The following MAP3K20 variants were observed in gnomAD, a reference collection of about 807,000 sequenced individuals.
MAP3K20 encodes mitogen-activated protein kinase kinase kinase 20.
In MAP3K20, 40 loss-of-function variants were observed where a neutral mutation model predicts 85.7. The observed-to-expected ratio is 0.47, with a 90% CI of 0.36 to 0.61. The LOEUF is 0.61. MAP3K20 is among the 20% of genes least tolerant of loss of function. The probability of loss-of-function intolerance (pLI) is 0.00; values close to 1 mark genes in which losing one functional copy is unlikely to be tolerated. For missense variants in MAP3K20, 817 were observed against 961.7 expected, an observed-to-expected ratio of 0.85 and a Z score of 1.99; for synonymous variants, 325 against 327.7, an observed-to-expected ratio of 0.99 and a Z score of 0.09.
chr2:173,251,111 T>G (rs1685032916), intron 16 of MAP3K20, among the ~76,000 whole-genome samples: 1 of 152,184 alleles, frequency 6.6e-6, no homozygotes, highest in South Asian at 2.1e-4. Flanking sequence ...AATACCAGCA[T>G]GAACAAAATT....
At chr2:173,112,927 T>G in intron 2 of MAP3K20, among the ~76,000 whole-genome samples, 1 of 152,162 alleles carries the variant, frequency 6.6e-6, no homozygotes, top group Non-Finnish European at 1.5e-5. Flanking sequence ...TGATGCTGGC[T>G]TCATAGAATG....
rs376397839 is a variant in MAP3K20 at position 173,266,464 on chromosome 2, C to T, written c.2117C>T (p.Ser706Leu). 2 of 1,614,130 alleles carry T rather than the reference C, an allele frequency of 1.2e-6. No individual in the cohort carries two copies. The highest frequency in any genetic ancestry group is 1.7e-6 in the Non-Finnish European group (2 of 1,180,020). Residue 706 changes from serine (S) to leucine (L), a missense_variant, in exon 20 of 20, where the codon TCA becomes TTA. Physicochemically the swap from Ser to Leu is moderately radical, Grantham distance 145. Around this residue, in one of 4 missense-constraint regions of MAP3K20, gnomAD observed 454 missense variants for 476.9 expected, o/e 0.95. Transcript: ENST00000375213. ...YSGKSQHSTP[S>L]RGRYPGKFYR... is the part of the protein sequence containing the mutation. ...GGAAAGAGTCAGCATTCCACTCCTTCAAGAGGAAGATACCCTGGAAAGTTC... is the reference window on the plus strand; with the variant it reads ...GGAAAGAGTCAGCATTCCACTCCTTTAAGAGGAAGATACCCTGGAAAGTTC...
At chr2:173,223,899 G>A in intron 11 of MAP3K20, 5 of 985,434 alleles carry the variant, frequency 5.1e-6, no homozygotes, top group Non-Finnish European at 6.0e-6. Flanking sequence ...TTTCCAGCAT[G>A]CCCTGGGGTG....
chr2:173,242,211 T>C (rs1300173679), intron 16 of MAP3K20, among the ~76,000 whole-genome samples: 1 of 151,940 alleles, frequency 6.6e-6, no homozygotes, highest in African/African-American at 2.4e-5. Context: ...GTTTTGCTCT[T>C]GTTGCCCAGG....
At chr2:173,080,062 C>T (rs1463390711) in intron 1 of MAP3K20, among the ~76,000 whole-genome samples, 1 of 152,182 alleles carries the variant, frequency 6.6e-6, no homozygotes, top group Non-Finnish European at 1.5e-5. Flanking sequence ...TTTACACCAG[C>T]ATCACCACAA....
chr2:173,188,965 A>G (rs1275149455), intron 5 of MAP3K20, among the ~76,000 whole-genome samples: 2 of 152,218 alleles, frequency 1.3e-5, no homozygotes, highest in East Asian at 1.9e-4. Context: ...TAACTAAATT[A>G]TGGATTTTTC....
At chr2:173,172,127 C>T (rs557269785) in intron 3 of MAP3K20, among the ~76,000 whole-genome samples, 25 of 152,134 alleles carry the variant, frequency 1.6e-4, no homozygotes, top group Non-Finnish European at 2.9e-4. Context: ...TTAGTGATGA[C>T]GACACTTACT....
chr2:173,250,373 A>C (rs992046886), intron 16 of MAP3K20, among the ~76,000 whole-genome samples: 2 of 152,256 alleles, frequency 1.3e-5, no homozygotes, highest in African/African-American at 4.8e-5. Flanking sequence ...AAGAGAACAC[A>C]GCAGGGAGAA....
chr2:173,219,903 C>T (rs966989637), intron 11 of MAP3K20, among the ~76,000 whole-genome samples: 5 of 151,668 alleles, frequency 3.3e-5, no homozygotes, highest in African/African-American at 1.2e-4. Context: ...CCCATCTCTA[C>T]TAAAAATACA....
chr2:173,142,962 G>A (rs1450967425), intron 2 of MAP3K20, among the ~76,000 whole-genome samples: 1 of 152,070 alleles, frequency 6.6e-6, no homozygotes, highest in East Asian at 1.9e-4. Context: ...AGGAGTTCAA[G>A]GCTGCAGTGA....
chr2:173,120,699 TTC>T (rs1688258543), intron 2 of MAP3K20, among the ~76,000 whole-genome samples: 1 of 113,572 alleles, frequency 8.8e-6, no homozygotes, highest in African/African-American at 3.2e-5. Context: ...TCACTCTCAC[TTC>T]TTTTTTTTTT....
rs949215679 is a variant in MAP3K20 at position 173,214,194 on chromosome 2, C to T, written c.852-2921C>T. On this transcript the variant is annotated intron_variant, in intron 10 of 19. Coordinates refer to ENST00000375213, the MANE Select transcript of MAP3K20 (RefSeq NM_016653.3). Reference sequence around the variant, plus strand: ...ACATAAACTGTGTTCTTTCCTTTGACCTAATAAATGATAGGAACAAAATCT... The same window carrying T: ...ACATAAACTGTGTTCTTTCCTTTGATCTAATAAATGATAGGAACAAAATCT... 1.1e-4 allele frequency: 11 copies of T among 104,270 alleles called. 1 individual carries two copies. The highest frequency in any genetic ancestry group is 3.1e-4 in the African/African-American group (11 of 35,822). 6.5% of individuals were successfully genotyped at this position (104,270 alleles called of 1,614,324 possible).
At chr2:173,255,386 C>T (rs1276573166) in intron 16 of MAP3K20, among the ~76,000 whole-genome samples, 1 of 152,242 alleles carries the variant, frequency 6.6e-6, no homozygotes, top group African/African-American at 2.4e-5. Context: ...TGGAGTCACA[C>T]AGCCTTGTGC....
intron 3 of MAP3K20, among the ~76,000 whole-genome samples, chr2:173,181,765 C>T (rs967517504): frequency 1.2e-4 from 18 of 151,872 alleles, no homozygotes; most frequent in African/African-American, 3.4e-4. Context: ...AAACATTATG[C>T]GGCCAGGCGC....
intron 2 of MAP3K20, 70 bp downstream of exon 2, chr2:173,091,260 G>C: frequency 6.5e-7 from 1 of 1,528,906 alleles, no homozygotes; most frequent in Non-Finnish European, 8.9e-7. Flanking sequence ...CCTCGAGTTA[G>C]AGGGTCACAG....
Position 173,253,015 on chromosome 2 carries a change from TTC to T in MAP3K20, c.1360-5680_1360-5679del, listed in dbSNP as rs1219621618. Among the ~76,000 whole-genome samples, 16 of 152,330 alleles carry T rather than the reference TTC, an allele frequency of 1.1e-4. No homozygotes were observed. In the East Asian group the frequency reaches 2.9e-3, roughly 28 times the overall value. ...TGTTATGTTGCTGCTTGGCTGCATC[TTC>T]TCTTTTTCATCTCTGATCACTCCCT... On this transcript the variant is annotated intron_variant, in intron 16 of 19. Coordinates refer to ENST00000375213, the MANE Select transcript of MAP3K20 (RefSeq NM_016653.3).
intron 3 of MAP3K20, among the ~76,000 whole-genome samples, chr2:173,177,166 T>C (rs1046112901): frequency 6.6e-6 from 1 of 152,180 alleles, no homozygotes; most frequent in Non-Finnish European, 1.5e-5. Context: ...TATAGAAGAC[T>C]TGAAGAACAC....
At chr2:173,183,076 G>T in intron 4 of MAP3K20, 121 bp downstream of exon 4, 1 of 743,516 alleles carries the variant, frequency 1.3e-6, no homozygotes, top group Non-Finnish European at 2.2e-6. Context: ...CAGACCAAAA[G>T]TAGTAAGAAT....
At chr2:173,254,487 T>C (rs1280181499) in intron 16 of MAP3K20, among the ~76,000 whole-genome samples, 1 of 151,692 alleles carries the variant, frequency 6.6e-6, no homozygotes, top group Non-Finnish European at 1.5e-5. Flanking sequence ...ACCTGGTCCC[T>C]GCCACAGCCA....
Sources: gnomAD v4.1 joint callset for allele counts (sites outside exome capture counted in the v4.1 genomes callset) on GRCh38, gnomAD v4.1.1 for gene constraint, gnomAD v4.1.1 regional missense constraint, MANE v1.5 for transcripts, NCBI Gene and HGNC (gene_info 2026-07-23, HGNC 2026-07-21) for gene names.